ENTREP2: variants seen among roughly 807,000 people sequenced by gnomAD.
ENTREP2 encodes protein ENTREP2.
At chr15:29,341,418 G>T in the ENTREP2 span, among the ~76,000 whole-genome samples, 4 of 152,150 alleles carry the variant, frequency 2.6e-5, no homozygotes, top group South Asian at 8.3e-4. Flanking sequence ...GAACACTCAC[G>T]GGTCATAACC....
the ENTREP2 span, among the ~76,000 whole-genome samples, chr15:29,259,334 T>A: frequency 5.9e-5 from 9 of 152,218 alleles, no homozygotes; most frequent in African/African-American, 2.2e-4. Context: ...AATATTTCCT[T>A]CTTGACCAAT....
At chr15:29,244,188 C>T in the ENTREP2 span, among the ~76,000 whole-genome samples, 1 of 152,070 alleles carries the variant, frequency 6.6e-6, no homozygotes, top group Non-Finnish European at 1.5e-5. Flanking sequence ...AGGAGGAAAG[C>T]CATATGATCA....
At chr15:29,659,041 G>A in the ENTREP2 span, among the ~76,000 whole-genome samples, 1 of 152,190 alleles carries the variant, frequency 6.6e-6, no homozygotes, top group African/African-American at 2.4e-5. Flanking sequence ...ATTGTTAACT[G>A]GCAAAATCAC....
the ENTREP2 span, among the ~76,000 whole-genome samples, chr15:29,486,521 T>C: frequency 1.3e-5 from 2 of 152,144 alleles, no homozygotes; most frequent in Non-Finnish European, 2.9e-5. Context: ...TGAAACCCCA[T>C]CTCCACTAAA....
At chr15:29,135,363 G>A in the ENTREP2 span, among the ~76,000 whole-genome samples, 1 of 152,042 alleles carries the variant, frequency 6.6e-6, no homozygotes, top group Non-Finnish European at 1.5e-5. The surrounding 1 kb of genome is among the most constrained non-coding windows in gnomAD (Gnocchi z 7.4). Context: ...CTGTATTTCA[G>A]GGACACCAGT....
chr15:29,372,522 C>A, the ENTREP2 span, among the ~76,000 whole-genome samples: 1 of 152,100 alleles, frequency 6.6e-6, no homozygotes, highest in Non-Finnish European at 1.5e-5. Flanking sequence ...GGGGTCAGTG[C>A]CCCTAACTGC....
At chr15:29,297,335 C>T in the ENTREP2 span, among the ~76,000 whole-genome samples, 1 of 152,126 alleles carries the variant, frequency 6.6e-6, no homozygotes, top group East Asian at 1.9e-4. Flanking sequence ...ATAATAATTG[C>T]AGGGAGTAAA....
chr15:29,286,199 G>T, the ENTREP2 span, among the ~76,000 whole-genome samples: 1 of 151,914 alleles, frequency 6.6e-6, no homozygotes, highest in South Asian at 2.1e-4. Context: ...TCAGAAAAAA[G>T]AAATAAAAGT....
At chr15:29,235,087 C>T in the ENTREP2 span, 7 of 1,084,366 alleles carry the variant, frequency 6.5e-6, no homozygotes, top group East Asian at 1.4e-4. Flanking sequence ...GCCCGAGGGA[C>T]CTTTTCCTCA....
the ENTREP2 span, among the ~76,000 whole-genome samples, chr15:29,436,341 T>A: frequency 6.6e-6 from 1 of 152,200 alleles, no homozygotes; most frequent in Non-Finnish European, 1.5e-5. Context: ...CTACTCACCC[T>A]CCAGAGGACA....
At chr15:29,457,282 G>A in the ENTREP2 span, among the ~76,000 whole-genome samples, 10 of 152,236 alleles carry the variant, frequency 6.6e-5, no homozygotes, top group Non-Finnish European at 1.0e-4. Context: ...GCAGGCATGG[G>A]CCAGCTAAGA....
At chr15:29,281,207 T>C in the ENTREP2 span, among the ~76,000 whole-genome samples, 1 of 152,258 alleles carries the variant, frequency 6.6e-6, no homozygotes, top group Non-Finnish European at 1.5e-5. Flanking sequence ...GATTATTAGA[T>C]ATAATTTATA....
At chr15:29,524,057 G>C in the ENTREP2 span, among the ~76,000 whole-genome samples, 102 of 152,216 alleles carry the variant, frequency 6.7e-4, no homozygotes, top group Admixed American at 3.9e-3. Flanking sequence ...CAAATTTTGT[G>C]CTTCAATGGA....
chr15:29,665,910 G>C, the ENTREP2 span, among the ~76,000 whole-genome samples: 1 of 147,092 alleles, frequency 6.8e-6, no homozygotes, highest in Admixed American at 6.9e-5. Context: ...CCGGAGTGCA[G>C]TGGTGCGATC....
At chr15:29,415,066 C>A in the ENTREP2 span, among the ~76,000 whole-genome samples, 1 of 152,154 alleles carries the variant, frequency 6.6e-6, no homozygotes. Context: ...CGAATTCTAC[C>A]AGAGGTACAA....
At chr15:29,657,026 G>A in the ENTREP2 span, among the ~76,000 whole-genome samples, 27 of 152,244 alleles carry the variant, frequency 1.8e-4, no homozygotes, top group African/African-American at 6.3e-4. Flanking sequence ...CAAGAACGAA[G>A]CCGGGCCTTC....
At chr15:29,182,481 C>T in the ENTREP2 span, among the ~76,000 whole-genome samples, 1 of 151,984 alleles carries the variant, frequency 6.6e-6, no homozygotes. Flanking sequence ...GATATGACAC[C>T]TAGGAATATA....
the ENTREP2 span, among the ~76,000 whole-genome samples, chr15:29,249,309 A>G: frequency 4.6e-5 from 7 of 152,354 alleles, no homozygotes; most frequent in African/African-American, 1.4e-4. Flanking sequence ...CTTCATCTCA[A>G]AAAATAAATA....
chr15:29,347,115 C>A, the ENTREP2 span, among the ~76,000 whole-genome samples: 4 of 152,196 alleles, frequency 2.6e-5, no homozygotes, highest in Non-Finnish European at 5.9e-5. Flanking sequence ...CCAAACTGAT[C>A]CTGCCATGTT....
Sources: allele counts gnomAD v4.1 joint callset (sites outside exome capture counted in the v4.1 genomes callset), GRCh38; gene constraint gnomAD v4.1.1; non-coding constraint Gnocchi (gnomAD v3.1); transcripts MANE v1.5; gene names NCBI Gene and HGNC (gene_info 2026-07-23, HGNC 2026-07-21).